Variants in MAGI3 observed in about 807,000 individuals in gnomAD.
The protein encoded by MAGI3 is membrane-associated guanylate kinase, WW and PDZ domain-containing protein 3.
In MAGI3, 43 loss-of-function variants were observed where a neutral mutation model predicts 121.8. The observed-to-expected ratio is 0.35, with a 90% CI of 0.28 to 0.46. MAGI3 has a LOEUF of 0.46. Ranked by LOEUF, MAGI3 falls within the 20% of genes least tolerant of loss-of-function variation. MAGI3 has a pLI of 1.00. For missense variants in MAGI3, 1,547 were observed against 1,797.3 expected (o/e 0.86, Z 2.52); for synonymous variants, 553 against 639.3 (o/e 0.86, Z 2.04).
At chr1:113,643,838 C>T (rs1652687315) in intron 11 of MAGI3, 64 bp downstream of exon 11, 4 of 1,462,186 alleles carry the variant, frequency 2.7e-6, no homozygotes, top group Admixed American at 3.4e-5. Context: ...ACATTCCCCT[C>T]TGTAAGAGGA....
intron 1 of MAGI3, among the ~76,000 whole-genome samples, chr1:113,397,267 G>T (rs1651164479): frequency 6.6e-6 from 1 of 152,302 alleles, no homozygotes; most frequent in South Asian, 2.1e-4. Context: ...AATTAAATGT[G>T]TACATGAAGT....
chr1:113,550,274 G>A (rs1456446352), intron 2 of MAGI3, among the ~76,000 whole-genome samples: 2 of 149,406 alleles, frequency 1.3e-5, no homozygotes, highest in African/African-American at 4.9e-5. Flanking sequence ...AAAATTAGCC[G>A]GGTGCGTCGC....
At chr1:113,475,275 T>A (rs1299976158) in intron 1 of MAGI3, among the ~76,000 whole-genome samples, 1 of 152,210 alleles carries the variant, frequency 6.6e-6, no homozygotes, top group Non-Finnish European at 1.5e-5. Context: ...CAACACTGTG[T>A]CGAATAGGAG....
intron 1 of MAGI3, among the ~76,000 whole-genome samples, chr1:113,394,561 C>T (rs188592968): frequency 6.6e-6 from 1 of 152,078 alleles, no homozygotes; most frequent in South Asian, 2.1e-4. Context: ...TATTCTTAAA[C>T]CATTTCTATT....
chr1:113,556,681 A>G (rs938131566), intron 2 of MAGI3, among the ~76,000 whole-genome samples: 1 of 151,370 alleles, frequency 6.6e-6, no homozygotes, highest in African/African-American at 2.4e-5. Context: ...TCTTGCCTCA[A>G]CTTCCTCAGT....
At chr1:113,632,431 A>T (rs542574207) in intron 9 of MAGI3, among the ~76,000 whole-genome samples, 1 of 152,310 alleles carries the variant, frequency 6.6e-6, no homozygotes, top group Admixed American at 6.5e-5. Flanking sequence ...TGAGTTTTTT[A>T]AAAGCCATCA....
At chr1:113,451,287 C>T (rs1038699628) in intron 1 of MAGI3, among the ~76,000 whole-genome samples, 6 of 152,094 alleles carry the variant, frequency 3.9e-5, no homozygotes, top group African/African-American at 1.4e-4. Flanking sequence ...TTGATCTCAT[C>T]GTAAACAGCT....
chr1:113,676,235 A>G (rs1357098000), intron 19 of MAGI3, among the ~76,000 whole-genome samples: 1 of 152,190 alleles, frequency 6.6e-6, no homozygotes, highest in Non-Finnish European at 1.5e-5. Flanking sequence ...CAGTAAACCA[A>G]AGGCAAACAG....
intron 2 of MAGI3, among the ~76,000 whole-genome samples, chr1:113,559,019 A>G (rs1264498595): frequency 6.6e-6 from 1 of 152,230 alleles, no homozygotes; most frequent in Non-Finnish European, 1.5e-5. Flanking sequence ...CATTACTGCT[A>G]GACCTGCCTT....
chr1:113,580,262 TAGTA>T (rs1647925465), intron 2 of MAGI3, among the ~76,000 whole-genome samples: 1 of 152,182 alleles, frequency 6.6e-6, no homozygotes. Context: ...TTCATGACTC[TAGTA>T]AGTAGAATGT....
intron 2 of MAGI3, among the ~76,000 whole-genome samples, chr1:113,556,986 A>T (rs1338061231): frequency 6.6e-6 from 1 of 152,194 alleles, no homozygotes; most frequent in Non-Finnish European, 1.5e-5. Context: ...GTGAGCTGAA[A>T]AATCCTCTAT....
chr1:113,490,789 G>C (rs769628130), intron 1 of MAGI3, among the ~76,000 whole-genome samples: 1 of 152,082 alleles, frequency 6.6e-6, no homozygotes, highest in Non-Finnish European at 1.5e-5. Context: ...AGACAAAGAA[G>C]GGCATTACAT....
chr1:113,683,258 A>C lies in MAGI3; in HGVS notation c.3690A>C (p.Gln1230His). Residue 1230 changes from glutamine to histidine, a missense_variant, in exon 21 of 21, where the codon CAA becomes CAC. Gln to His is a conservative substitution (Grantham distance 24). Transcript: ENST00000307546. Reference sequence around the variant, plus strand: ...TTAGTCCCAAAAAGCCAGCCAGTCAACATTCAGAGGAACATTTGGATAAGA... The same window carrying C: ...TTAGTCCCAAAAAGCCAGCCAGTCACCATTCAGAGGAACATTTGGATAAGA... ...RSVSPKKPAS[Q>H]HSEEHLDKIP... 1 of 1,613,284 alleles carries C rather than the reference A, an allele frequency of 6.2e-7. No homozygotes were observed. Among genetic ancestry groups the C allele is most frequent in the South Asian group, 1.1e-5 (1 of 90,862 alleles).
chr1:113,520,694 C>T (rs1017768196), intron 1 of MAGI3, among the ~76,000 whole-genome samples: 2 of 152,146 alleles, frequency 1.3e-5, no homozygotes, highest in African/African-American at 4.8e-5. Flanking sequence ...CTTCGGTCTC[C>T]TCAGTTCAAG....
Position 113,654,101 on chromosome 1 carries a change from G to A in MAGI3, c.2629+83G>A, listed in dbSNP as rs140485056. The A allele has an allele frequency of 6.9e-3, 7,826 of 1,139,918 alleles. 49 individuals are homozygous for A. Among genetic ancestry groups the A allele is most frequent in the Middle Eastern group, 8.7e-3 (36 of 4,140 alleles). 70.6% of individuals were successfully genotyped at this position (1,139,918 alleles called of 1,614,324 possible). On this transcript the variant is annotated intron_variant, in intron 15 of 20. Transcript: ENST00000307546. ...ACTGGAGTTTATGAAATAATTAGGA[G>A]CTATGTATAAAATGCCTTAGGTACT...
At chr1:113,609,683 A>C (rs1213470153) in intron 6 of MAGI3, among the ~76,000 whole-genome samples, 3 of 152,322 alleles carry the variant, frequency 2.0e-5, no homozygotes, top group Admixed American at 2.0e-4. Flanking sequence ...CACCATGAGA[A>C]AATAATTGTA....
chr1:113,466,455 G>A (rs1004340957), intron 1 of MAGI3, among the ~76,000 whole-genome samples: 14 of 151,998 alleles, frequency 9.2e-5, no homozygotes, highest in African/African-American at 3.1e-4. Context: ...TTCTTTTTTT[G>A]TTGTGTCCTT....
At position 113,549,539 on chromosome 1, in the gene MAGI3, G is replaced by A. The variant is rs772074544; in HGVS notation, c.341G>A (p.Arg114Gln). 18 of 1,591,302 alleles carry A rather than the reference G, an allele frequency of 1.1e-5. No homozygotes were observed. Among genetic ancestry groups the A allele is most frequent in the Admixed American group, 3.5e-5 (2 of 57,386 alleles). The change falls in exon 2 of 21, where the codon CGG becomes CAG. Residue 114 changes from arginine to glutamine, a missense_variant. Physicochemically the swap from Arg to Gln is conservative, Grantham distance 43. Transcript: ENST00000307546. The part of the protein sequence containing the change: ...KPGKVINKDL[R>Q]HYLSLQFQKG... ...GGCAAAGTCATTAATAAAGATTTGC[G>A]GCATTACCTAAGTCTTCAGTTTCAA...
chr1:113,433,910 A>G (rs1448076035), intron 1 of MAGI3, among the ~76,000 whole-genome samples: 3 of 152,176 alleles, frequency 2.0e-5, no homozygotes, highest in Non-Finnish European at 4.4e-5. Flanking sequence ...TTGTGATTTA[A>G]TTTGATTACT....
Sources: gnomAD v4.1 joint callset for allele counts (sites outside exome capture counted in the v4.1 genomes callset) on GRCh38, gnomAD v4.1.1 for gene constraint, MANE v1.5 for transcripts, NCBI Gene and HGNC (gene_info 2026-07-23, HGNC 2026-07-21) for gene names.